The following CMYA5 variants were observed in gnomAD, a reference collection of about 807,000 sequenced individuals.
CMYA5 encodes cardiomyopathy-associated protein 5.
Under a neutral mutation model 318.9 loss-of-function variants are expected in CMYA5, and 246 were observed. The observed-to-expected ratio is 0.77, with a 90% confidence interval of 0.70 to 0.86. The LOEUF is 0.86. CMYA5 is among the 40% of genes least tolerant of loss of function. The pLI is 0.00. For missense variants in CMYA5, 4,589 were observed against 4,678.2 expected (o/e 0.98, Z 0.56); for synonymous variants, 1,641 against 1,729.5 (o/e 0.95, Z 1.27).
intron 1 of CMYA5, among the ~76,000 whole-genome samples, chr5:79,713,287 G>A (rs947840581): frequency 2.3e-3 from 149 of 64,808 alleles, no homozygotes; most frequent in African/African-American, 5.2e-3. Context: ...TCCCCACCCC[G>A]CTGCACCCCG....
chr5:79,786,474 G>A (rs946443105), intron 9 of CMYA5, among the ~76,000 whole-genome samples: 1 of 152,128 alleles, frequency 6.6e-6, no homozygotes, highest in African/African-American at 2.4e-5. Context: ...CACCAACTAA[G>A]TACCAACAAT....
At chr5:79,691,686 C>A (rs1037199055) in intron 1 of CMYA5, among the ~76,000 whole-genome samples, 4 of 152,178 alleles carry the variant, frequency 2.6e-5, no homozygotes, top group African/African-American at 9.7e-5. Flanking sequence ...AGGAAAAACA[C>A]GTATCGACGA....
intron 11 of CMYA5, 138 bp from the exon 12 acceptor site, chr5:79,793,299 G>C (rs1720366994): frequency 2.6e-6 from 2 of 768,680 alleles, no homozygotes; most frequent in Non-Finnish European, 2.1e-6. Flanking sequence ...ACAATGAACA[G>C]AGTATCTTTA....
intron 5 of CMYA5, among the ~76,000 whole-genome samples, chr5:79,748,318 TG>T (rs1343759424): frequency 2.6e-5 from 4 of 152,204 alleles, no homozygotes; most frequent in Non-Finnish European, 5.9e-5. Flanking sequence ...CCACACTGGC[TG>T]TGCCTAAATC....
intron 2 of CMYA5, among the ~76,000 whole-genome samples, chr5:79,742,023 TTCCTCC>T (rs890601619): frequency 1.3e-5 from 2 of 151,190 alleles, no homozygotes; most frequent in Admixed American, 1.3e-4. Flanking sequence ...TTTCTCCTCC[TTCCTCC>T]TCCTCCTCCC....
chr5:79,752,772 C>A lies in CMYA5; in HGVS notation c.11088C>A (p.Asp3696Glu). ...ATGATGACAGCTCGGCAAGAAGTGA[C>A]CAGATGTTAAAACAAGTGGCTGGTA... ...EHYDDSSARS[D>E]QMLKQVAVPQ... The change falls in exon 6 of 13, where the codon GAC (aspartate) becomes GAA (glutamate). Residue 3696 changes from aspartate to glutamate, a missense_variant. This residue lies in a region of CMYA5 where 2,431 missense variants were observed against 2,495.1 expected (regional missense o/e 0.97). Transcript: ENST00000446378. 1.2e-6 allele frequency: 2 copies of A among 1,613,012 alleles called. No individual in the cohort carries two copies. The highest frequency in any genetic ancestry group is 1.1e-5 in the South Asian group (1 of 90,990).
chr5:79,788,464 G>T (rs1162808052), intron 9 of CMYA5, among the ~76,000 whole-genome samples: 2 of 118,304 alleles, frequency 1.7e-5, no homozygotes, highest in African/African-American at 7.6e-5. Flanking sequence ...GCAACTTTGA[G>T]AATTTTTTTT....
intron 1 of CMYA5, among the ~76,000 whole-genome samples, chr5:79,704,690 A>G (rs1160932860): frequency 6.6e-6 from 1 of 151,900 alleles, no homozygotes; most frequent in Non-Finnish European, 1.5e-5. Flanking sequence ...AGAGAGAGAG[A>G]GGGAGAGAAA....
At chr5:79,727,247 G>A (rs1417571121) in intron 1 of CMYA5, among the ~76,000 whole-genome samples, 5 of 152,094 alleles carry the variant, frequency 3.3e-5, no homozygotes, top group African/African-American at 9.7e-5. Context: ...TATTGTAGTC[G>A]CCTGGCAGCT....
In CMYA5 at chr5:79,730,173, T is replaced by C. The variant is rs1827852985; in HGVS notation, c.1408T>C (p.Ser470Pro). Reference sequence around the variant, plus strand: ...TTCAATAGAAAGGGCAGAACCAGTCTCCGCAAAACTGACCCCTACCCATCC... The same window carrying C: ...TTCAATAGAAAGGGCAGAACCAGTCCCCGCAAAACTGACCCCTACCCATCC... ...LTSIERAEPV[S>P]AKLTPTHPSV... Residue 470 changes from serine to proline, a missense_variant, in exon 2 of 13, where the codon TCC becomes CCC. By Grantham distance (74) the Ser-to-Pro change is moderately conservative. Transcript: ENST00000446378. 2 of 1,613,726 alleles carry C rather than the reference T, an allele frequency of 1.2e-6. No individual in the cohort carries two copies. The highest frequency in any genetic ancestry group is 1.7e-6 in the Non-Finnish European group (2 of 1,179,872).
intron 10 of CMYA5, among the ~76,000 whole-genome samples, chr5:79,789,755 G>A (rs1829144258): frequency 6.6e-6 from 1 of 152,098 alleles, no homozygotes; most frequent in Non-Finnish European, 1.5e-5. Flanking sequence ...GACTCACAAT[G>A]TGTTATAATT....
rs747062129 is a variant in CMYA5 at position 79,730,842 on chromosome 5, G to A, written c.2077G>A (p.Asp693Asn). The A allele has an allele frequency of 2.5e-6, 4 of 1,613,948 alleles. No individual in the cohort carries two copies. The highest frequency in any genetic ancestry group is 1.1e-5 in the South Asian group (1 of 91,072). ...EASESGCYTP[D>N]STSASEYSVP... ...CTCAGAAAGTGGGTGTTACACACCA[G>A]ACTCCACATCTGCTTCTGAATATTC... is the stretch of plus-strand genomic sequence containing the variant. The change falls in exon 2 of 13, where the codon GAC becomes AAC. Residue 693 changes from aspartate to asparagine, a missense_variant. Physicochemically the swap from Asp to Asn is conservative, Grantham distance 23. Coordinates refer to ENST00000446378, the MANE Select transcript of CMYA5 (RefSeq NM_153610.5).
chr5:79,722,589 A>T (rs1490445323), intron 1 of CMYA5, among the ~76,000 whole-genome samples: 1 of 151,522 alleles, frequency 6.6e-6, no homozygotes, highest in Admixed American at 6.6e-5. Context: ...GAGGTGAAAG[A>T]ATTGCTTGAC....
Position 79,799,225 on chromosome 5 carries a change from G to C in CMYA5, c.11964-145G>C, listed in dbSNP as rs1231470373. 6.7e-6 allele frequency: 5 copies of C among 743,268 alleles called. No homozygotes were observed. In the East Asian group the frequency reaches 1.1e-4, roughly 17 times the overall value. The allele number at this position is 743,268 out of a possible 1,614,324, so 46.0% of individuals were successfully genotyped here. ...CATTTTAGCATCTAGAAGAAATCTAGTGAAGTATTTGGGACAGCATTATTG... is the reference window on the plus strand; with the variant it reads ...CATTTTAGCATCTAGAAGAAATCTACTGAAGTATTTGGGACAGCATTATTG... On this transcript the variant is annotated intron_variant, in intron 12 of 12. Coordinates refer to ENST00000446378, the MANE Select transcript of CMYA5 (RefSeq NM_153610.5).
chr5:79,735,174 TCA>T lies in CMYA5; in HGVS notation c.6410_6411del (p.Ser2137TyrfsTer13), dbSNP rs1561210719. On this transcript the variant is annotated frameshift_variant, in exon 2 of 13. Coordinates refer to ENST00000446378, the MANE Select transcript of CMYA5 (RefSeq NM_153610.5). LOFTEE classifies it high-confidence loss of function. Reference protein sequence around the residue: ...KIPTQRKPISSIHAREPQSPE... With the variant: ...KIPTQRKPISXIHAREPQSPE... ...ACCCACACAAAGAAAACCCATCTCC[TCA>T]ATCCATGCAAGAGAGCCTCAATCCC... 6.2e-7 allele frequency: 1 copy of T among 1,613,578 alleles called. No homozygotes were observed. The highest frequency in any genetic ancestry group is 8.5e-7 in the Non-Finnish European group (1 of 1,179,742).
chr5:79,698,621 G>A (rs1351752776), intron 1 of CMYA5, among the ~76,000 whole-genome samples: 6 of 152,314 alleles, frequency 3.9e-5, no homozygotes, highest in Middle Eastern at 3.4e-3. Flanking sequence ...TGCAAATGAC[G>A]CTTTATAAAA....
chr5:79,770,982 C>A (rs1470022692), intron 9 of CMYA5, among the ~76,000 whole-genome samples: 5 of 149,210 alleles, frequency 3.4e-5, no homozygotes, highest in African/African-American at 1.2e-4. Flanking sequence ...AACAACATCT[C>A]TTTTAATGTG....
chr5:79,727,562 A>G (rs558330700), intron 1 of CMYA5, among the ~76,000 whole-genome samples: 1 of 152,332 alleles, frequency 6.6e-6, no homozygotes, highest in South Asian at 2.1e-4. Flanking sequence ...GCCAGTCAGT[A>G]GCTGGGCTTC....
Position 79,736,664 on chromosome 5 carries a change from G to C in CMYA5, c.7899G>C (p.Lys2633Asn), listed in dbSNP as rs565045701. 1 of 1,613,650 alleles carries C rather than the reference G, an allele frequency of 6.2e-7. No individual in the cohort carries two copies. Among genetic ancestry groups the C allele is most frequent in the African/African-American group, 1.3e-5 (1 of 74,970 alleles). ...EESKVLVEKT[K>N]TFLPVALSCR... Reference sequence around the variant, plus strand: ...GTAAAGTTTTGGTGGAGAAAACCAAGACTTTCCTGCCGGTGGCTCTTTCTT... The same window carrying C: ...GTAAAGTTTTGGTGGAGAAAACCAACACTTTCCTGCCGGTGGCTCTTTCTT... The change falls in exon 2 of 13, where the codon AAG becomes AAC. Residue 2633 changes from lysine (K) to asparagine (N), a missense_variant. This residue lies in a region of CMYA5 where 2,431 missense variants were observed against 2,495.1 expected (regional missense o/e 0.97). Coordinates refer to ENST00000446378, the MANE Select transcript of CMYA5 (RefSeq NM_153610.5).
Sources: allele counts gnomAD v4.1 joint callset (sites outside exome capture counted in the v4.1 genomes callset), GRCh38; gene constraint gnomAD v4.1.1; regional missense constraint gnomAD v4.1.1; transcripts MANE v1.5; gene names NCBI Gene and HGNC (gene_info 2026-07-23, HGNC 2026-07-21).